Variants in ROBO2 observed in about 807,000 individuals in gnomAD.
The protein encoded by ROBO2 is roundabout guidance receptor 2.
ROBO2 carries 53 observed loss-of-function variants against 160.8 expected under a neutral mutation model. That is an observed-to-expected ratio of 0.33 (90% CI 0.26 to 0.41). The LOEUF (loss-of-function observed/expected upper bound fraction) is 0.41. Ranked by LOEUF, ROBO2 falls within the 10% of genes least tolerant of loss-of-function variation. The pLI, the probability that ROBO2 is intolerant of heterozygous loss-of-function variation, is 1.00. For missense variants in ROBO2, 1,577 were observed against 1,722.4 expected (o/e 0.92, Z 1.49); for synonymous variants, 664 against 611.7 (o/e 1.09, Z -1.26).
chr3:77,345,069 A>G (rs1221748803), intron 2 of ROBO2, among the ~76,000 whole-genome samples: 1 of 151,738 alleles, frequency 6.6e-6, no homozygotes, highest in Non-Finnish European at 1.5e-5. Context: ...AGCTTGGGAA[A>G]CACCCTTAAA....
chr3:76,201,455 A>C lies in ROBO2; in HGVS notation c.109+263853A>C, dbSNP rs201417646. On this transcript the variant is annotated intron_variant, in intron 2 of 26. Transcript: ENST00000487694. The stretch of plus-strand genomic sequence containing the variant: ...TTAAGTTAGAGTTTTAGAAATCGAG[A>C]GATATTCTCCATACAAACTATCCCT... Among the ~76,000 whole-genome samples the C allele has an allele frequency of 9.2e-5, 14 of 152,282 alleles. No individual in the cohort carries two copies. The East Asian group carries it at 2.7e-3, about 29-fold the overall frequency.
intron 2 of ROBO2, among the ~76,000 whole-genome samples, chr3:76,291,075 A>AC (rs1439777230): frequency 2.0e-5 from 3 of 151,464 alleles, no homozygotes; most frequent in Non-Finnish European, 4.4e-5. Flanking sequence ...TAGGGAAGAG[A>AC]CCCCCCTTCT....
intron 2 of ROBO2, among the ~76,000 whole-genome samples, chr3:77,170,983 G>T (rs988644066): frequency 3.9e-5 from 6 of 152,130 alleles, no homozygotes; most frequent in African/African-American, 1.4e-4. Context: ...CCTGTGGTGG[G>T]ATAAATGTGT....
chr3:76,428,630 G>GT (rs770979407), intron 2 of ROBO2, among the ~76,000 whole-genome samples: 23 of 151,662 alleles, frequency 1.5e-4, no homozygotes, highest in African/African-American at 3.4e-4. Flanking sequence ...AAAAAAGTGA[G>GT]TTTTTTTTCT....
intron 2 of ROBO2, among the ~76,000 whole-genome samples, chr3:76,153,434 G>A (rs1167932653): frequency 6.6e-6 from 1 of 152,138 alleles, no homozygotes; most frequent in South Asian, 2.1e-4. Flanking sequence ...GAAAAGCATT[G>A]AGTTTTTTGT....
intron 2 of ROBO2, among the ~76,000 whole-genome samples, chr3:76,049,048 A>C (rs1407460603): frequency 6.6e-6 from 1 of 152,160 alleles, no homozygotes; most frequent in Non-Finnish European, 1.5e-5. Context: ...ATTAAAAACC[A>C]CACAAGATAC....
chr3:77,065,365 T>C (rs1468571775), intron 1 of ROBO2, among the ~76,000 whole-genome samples: 1 of 152,224 alleles, frequency 6.6e-6, no homozygotes, highest in African/African-American at 2.4e-5. Context: ...TAACAAGTAA[T>C]GAATGACCAC....
chr3:76,753,339 G>A (rs1576428549), intron 2 of ROBO2, among the ~76,000 whole-genome samples: 1 of 151,584 alleles, frequency 6.6e-6, no homozygotes, highest in East Asian at 1.9e-4. Flanking sequence ...CATTTATGGG[G>A]CCATAATTTT....
chr3:76,404,836 G>A (rs777663238), intron 2 of ROBO2, among the ~76,000 whole-genome samples: 37 of 151,570 alleles, frequency 2.4e-4, no homozygotes, highest in Admixed American at 6.6e-4. Context: ...CGATAATTCC[G>A]AATTTTTGTG....
chr3:76,774,499 T>C (rs1019203210), intron 2 of ROBO2, among the ~76,000 whole-genome samples: 10 of 151,022 alleles, frequency 6.6e-5, no homozygotes, highest in African/African-American at 2.4e-4. Context: ...TTCTGGTGAA[T>C]CATGTTTTTA....
chr3:76,700,729 A>G (rs1325516535), intron 2 of ROBO2, among the ~76,000 whole-genome samples: 3 of 152,156 alleles, frequency 2.0e-5, no homozygotes, highest in Non-Finnish European at 2.9e-5. Context: ...CTATGTGTAT[A>G]GCCCTTCTAA....
At chr3:76,421,275 A>G (rs1447079852) in intron 2 of ROBO2, among the ~76,000 whole-genome samples, 4 of 152,218 alleles carry the variant, frequency 2.6e-5, no homozygotes, top group African/African-American at 9.6e-5. Flanking sequence ...AGCAGTCTCT[A>G]TTCTGTGGTG....
At chr3:76,948,890 ATATATATATATATATATATTTT>A (rs1355499068) in intron 2 of ROBO2, among the ~76,000 whole-genome samples, 1,098 of 26,396 alleles carry the variant, frequency 0.042, 60 homozygotes, top group African/African-American at 0.12. Context: ...ATATATATAT[ATATATATATATATATATATTTT>A]TTTTTTTTTT....
intron 2 of ROBO2, among the ~76,000 whole-genome samples, chr3:77,190,301 T>C (rs2081709793): frequency 6.6e-6 from 1 of 151,948 alleles, no homozygotes; most frequent in Admixed American, 6.6e-5. Context: ...GAAAAAGTCT[T>C]GTTTTGTAGG....
intron 4 of ROBO2, among the ~76,000 whole-genome samples, chr3:77,488,742 G>A (rs1182051922): frequency 1.3e-5 from 2 of 152,236 alleles, no homozygotes; most frequent in East Asian, 3.9e-4. Flanking sequence ...TCTGAAAGGG[G>A]CTTGGCTTTG....
intron 2 of ROBO2, among the ~76,000 whole-genome samples, chr3:77,286,935 T>A (rs933507506): frequency 6.6e-6 from 1 of 152,228 alleles, no homozygotes; most frequent in African/African-American, 2.4e-5. Flanking sequence ...ATGGTTTCAC[T>A]CCTGACTCCT....
chr3:77,009,943 CTT>C (rs1196970815), intron 2 of ROBO2, among the ~76,000 whole-genome samples: 8 of 38,550 alleles, frequency 2.1e-4, no homozygotes, highest in African/African-American at 7.5e-4. Flanking sequence ...GAGACTCTGT[CTT>C]AAAAAAAAAA....
intron 2 of ROBO2, among the ~76,000 whole-genome samples, chr3:77,130,070 T>C (rs1350156299): frequency 5.9e-5 from 9 of 152,284 alleles, no homozygotes. Context: ...CTTTTATCTT[T>C]CCAATTTGCT....
Position 77,322,833 on chromosome 3 carries a change from ATG to A in ROBO2, c.389-154579_389-154578del, listed in dbSNP as rs1330788507. On this transcript the variant is annotated intron_variant, in intron 2 of 25. Coordinates refer to ENST00000461745, the Ensembl canonical transcript of ROBO2. Reference sequence around the variant, plus strand: ...TTATACATATGTATTATAATATATTATGTAATATATTATATTATACATATGTA... The same window carrying A: ...TTATACATATGTATTATAATATATTATAATATATTATATTATACATATGTA... Among the ~76,000 whole-genome samples, 5 of 114,086 alleles carry A rather than the reference ATG, an allele frequency of 4.4e-5. No individual in the cohort carries two copies. The East Asian group carries it at 7.6e-4, about 17-fold the overall frequency. The allele number at this position is 114,086 out of a possible 152,430, so 74.8% of individuals were successfully genotyped here. A position where few individuals can be genotyped will look rare whatever the true frequency, so the allele number is the denominator to read the frequency against.
Sources: allele counts gnomAD v4.1 joint callset (sites outside exome capture counted in the v4.1 genomes callset), GRCh38; gene constraint gnomAD v4.1.1; transcripts MANE v1.5; gene names NCBI Gene and HGNC (gene_info 2026-07-23, HGNC 2026-07-21).